DNMT1: variants seen among roughly 807,000 people sequenced by gnomAD.
DNMT1 encodes the protein DNA (cytosine-5)-methyltransferase 1.
Under a neutral mutation model 205.3 loss-of-function variants are expected in DNMT1, and 24 were observed. The observed-to-expected ratio is 0.12, with a 90% CI of 0.08 to 0.16. The LOEUF is 0.16. DNMT1 is among the 10% of genes least tolerant of loss of function. The pLI is 1.00. For synonymous variants in DNMT1, 817 were observed against 839.8 expected (o/e 0.97, Z 0.47); for missense variants, 1,293 against 2,177.7 (o/e 0.59, Z 8.09).
intron 17 of DNMT1, among the ~76,000 whole-genome samples, chr19:10,158,436 GCTTCCAACAGGGGTCCCCAAGGCA>G (rs1475889143): frequency 1.3e-5 from 2 of 152,206 alleles, no homozygotes; most frequent in African/African-American, 4.8e-5. Flanking sequence ...GCCTGGGGGT[GCTTCCAACAGGGGTCCCCAAGGCA>G]CTTCCCCCTC....
intron 5 of DNMT1, among the ~76,000 whole-genome samples, chr19:10,177,748 T>C (rs2038962147): frequency 6.6e-6 from 1 of 151,878 alleles, no homozygotes; most frequent in South Asian, 2.1e-4. Context: ...CTGGACAACA[T>C]GGCAAACCCC....
rs1360885782 is a variant in DNMT1 at position 10,162,767 on chromosome 19, C to A, written c.927-19G>T. 6.2e-7 allele frequency: 1 copy of A among 1,613,406 alleles called. No individual in the cohort carries two copies. The highest frequency in any genetic ancestry group is 1.3e-5 in the African/African-American group (1 of 74,862). Reference sequence around the variant, plus strand: ...GGCAGCTCTGCAGGGTGAACAGATACACAGCAAGTAGCAGCTTAGAAACAC... The same window carrying A: ...GGCAGCTCTGCAGGGTGAACAGATAAACAGCAAGTAGCAGCTTAGAAACAC... On this transcript the variant is annotated intron_variant, in intron 12 of 40. Coordinates refer to ENST00000359526, the MANE Select transcript of DNMT1 (RefSeq NM_001130823.3).
At chr19:10,176,311 A>G (rs907006993) in intron 6 of DNMT1, among the ~76,000 whole-genome samples, 3 of 152,236 alleles carry the variant, frequency 2.0e-5, no homozygotes, top group Non-Finnish European at 2.9e-5. Flanking sequence ...GAACTATTGG[A>G]CAAATGAATT....
intron 29 of DNMT1, 117 bp from the exon 30 acceptor site, chr19:10,142,337 G>A (rs566238601): frequency 5.8e-5 from 82 of 1,406,422 alleles, no homozygotes; most frequent in African/African-American, 2.7e-4. Flanking sequence ...CCCCTAGTTC[G>A]AGAACCGCAG....
At chr19:10,162,828 C>T in intron 12 of DNMT1, 80 bp from the exon 13 acceptor site, 2 of 1,461,854 alleles carry the variant, frequency 1.4e-6, no homozygotes, top group Non-Finnish European at 1.9e-6. Context: ...AAGTGACAAA[C>T]TAATGCCTCC....
At chr19:10,161,398 C>T (rs2038568726) in intron 13 of DNMT1, among the ~76,000 whole-genome samples, 2 of 152,070 alleles carry the variant, frequency 1.3e-5, no homozygotes, top group Non-Finnish European at 2.9e-5. Context: ...CCTGTAATTC[C>T]AGCACTTGAA....
At chr19:10,155,169 G>A (rs1188684109) in intron 19 of DNMT1, 113 bp from the exon 20 acceptor site, 7 of 1,385,020 alleles carry the variant, frequency 5.1e-6, no homozygotes, top group East Asian at 2.3e-5. Context: ...AAGTCATCCC[G>A]TACCCAAATG....
intron 22 of DNMT1, among the ~76,000 whole-genome samples, chr19:10,152,180 A>G (rs1365999252): frequency 2.2e-4 from 33 of 148,362 alleles, no homozygotes; most frequent in African/African-American, 7.2e-4. Flanking sequence ...AAAAAAAAAA[A>G]AAAAAAAAAG....
At chr19:10,181,945 T>C in intron 2 of DNMT1, 96 bp downstream of exon 2, 2 of 1,138,332 alleles carry the variant, frequency 1.8e-6, no homozygotes, top group Non-Finnish European at 2.6e-6. Flanking sequence ...TGGGAAAAAA[T>C]GCAAAATCCA....
At position 10,151,836 on chromosome 19, in the gene DNMT1, C is replaced by T; in HGVS notation, c.2031G>A (p.Gln677=). 1 of 1,614,094 alleles carries T rather than the reference C, an allele frequency of 6.2e-7. No homozygotes were observed. The part of the protein sequence containing the change: ...RRCGVCEVCQ[Q]PECGKCKACK... ...AGGCTTTACATTTCCCACACTCAGG[C>T]TGCTGACACACCTAAAAAATGGCAT... is the stretch of plus-strand genomic sequence containing the variant. Residue 677 remains glutamine, a synonymous_variant, in exon 23 of 41, where the codon CAG becomes CAA. Transcript: ENST00000359526. The surrounding 1 kb of genome is among the most constrained non-coding windows in gnomAD (Gnocchi z 5.0).
chr19:10,140,406 G>A lies in DNMT1; in HGVS notation c.3524-78C>T. 1.3e-6 allele frequency: 2 copies of A among 1,551,236 alleles called. No homozygotes were observed. Among genetic ancestry groups the A allele is most frequent in the Non-Finnish European group, 8.7e-7 (1 of 1,153,116 alleles). On this transcript the variant is annotated intron_variant, in intron 32 of 40. Transcript: ENST00000359526. The surrounding 1 kb of genome is among the most constrained non-coding windows in gnomAD (Gnocchi z 8.4). ...TTTTTTTGAGATGGAGTCTCGCTCTGTCACCCAGGCTGGAGTGCAGTGGTG... is the reference window on the plus strand; with the variant it reads ...TTTTTTTGAGATGGAGTCTCGCTCTATCACCCAGGCTGGAGTGCAGTGGTG...
chr19:10,137,374 G>A lies in DNMT1; in HGVS notation c.4294-94C>T, dbSNP rs796174193. On this transcript the variant is annotated intron_variant, in intron 36 of 40. Coordinates refer to ENST00000359526, the MANE Select transcript of DNMT1 (RefSeq NM_001130823.3). This position sits in a 1 kb window ranked among gnomAD's most constrained non-coding sequence, Gnocchi z 6.4. ...GAGCTGGGAACACCATGGTGACCAG[G>A]AAGCCCCCTGGGGCTCACGCCCATC... The A allele has an allele frequency of 4.8e-6, 7 of 1,465,760 alleles. No homozygotes were observed. The African/African-American group carries it at 9.8e-5, about 20-fold the overall frequency. The allele number at this position is 1,465,760 out of a possible 1,614,324, so 90.8% of individuals were successfully genotyped here. A position where few individuals can be genotyped will look rare whatever the true frequency, so the allele number is the denominator to read the frequency against.
At chr19:10,139,502 G>A (rs190572094) in intron 34 of DNMT1, among the ~76,000 whole-genome samples, 174 bp downstream of exon 34, 22 of 152,354 alleles carry the variant, frequency 1.4e-4, no homozygotes, top group Admixed American at 9.8e-4. Context: ...GCTGGGGGCC[G>A]GCTGAGCACG....
At chr19:10,180,924 C>A (rs774891113) in intron 2 of DNMT1, 39 bp from the exon 3 acceptor site, 7 of 1,554,668 alleles carry the variant, frequency 4.5e-6, no homozygotes, top group Non-Finnish European at 6.2e-6. Context: ...CCCACATTCC[C>A]AAGCTATTCA....
chr19:10,160,505 T>A, intron 13 of DNMT1, 87 bp from the exon 14 acceptor site: 1 of 1,450,476 alleles, frequency 6.9e-7, no homozygotes, highest in Non-Finnish European at 9.6e-7. Context: ...TTTGTATAAG[T>A]GATTATCATA....
At chr19:10,141,252 C>T in intron 30 of DNMT1, 63 bp from the exon 31 acceptor site, 1 of 1,555,996 alleles carries the variant, frequency 6.4e-7, no homozygotes, top group Non-Finnish European at 8.9e-7. Flanking sequence ...CTAACGCAGA[C>T]TAGTAAGAAG....
intron 1 of DNMT1, among the ~76,000 whole-genome samples, chr19:10,182,549 G>GTATATA (rs531273804): frequency 6.9e-6 from 1 of 144,538 alleles, no homozygotes; most frequent in African/African-American, 2.6e-5. Flanking sequence ...ATACATATGT[G>GTATATA]TATATATATA....
intron 1 of DNMT1, among the ~76,000 whole-genome samples, chr19:10,189,280 T>C (rs868758415): frequency 6.6e-6 from 1 of 151,996 alleles, no homozygotes; most frequent in African/African-American, 2.4e-5. Flanking sequence ...CCACCATGCC[T>C]GGCTAATTTT....
chr19:10,164,093 A>G (rs2038635121), intron 11 of DNMT1, among the ~76,000 whole-genome samples: 1 of 152,194 alleles, frequency 6.6e-6, no homozygotes, highest in African/African-American at 2.4e-5. Flanking sequence ...AATGTTGGTC[A>G]GAGATGCCAG....
Sources: gnomAD v4.1 joint callset for allele counts (sites outside exome capture counted in the v4.1 genomes callset) on GRCh38, gnomAD v4.1.1 for gene constraint, Gnocchi (gnomAD v3.1) non-coding constraint, MANE v1.5 for transcripts, NCBI Gene and HGNC (gene_info 2026-07-23, HGNC 2026-07-21) for gene names.